The following GNAL variants were observed in gnomAD, a reference collection of about 807,000 sequenced individuals.
GNAL encodes the protein G protein subunit alpha L, also known as guanine nucleotide-binding protein G(olf) subunit alpha.
In GNAL, 18 loss-of-function variants were observed where a neutral mutation model predicts 55.1. The ratio of observed to expected loss-of-function variants is 0.33; its 90% CI spans 0.23 to 0.48. GNAL has a LOEUF of 0.48. Ranked by LOEUF, GNAL falls within the 20% of genes least tolerant of loss-of-function variation. The pLI is 0.99. For synonymous variants in GNAL, 253 were observed against 237.0 expected (o/e 1.07, Z -0.62); for missense variants, 412 against 614.1 (o/e 0.67, Z 3.48).
chr18:11,826,284 G>GGAGGAGACA (rs2035242765), intron 5 of GNAL, among the ~76,000 whole-genome samples: 6 of 21,884 alleles, frequency 2.7e-4, no homozygotes, highest in East Asian at 3.0e-3. Context: ...AGGAGGAGGA[G>GGAGGAGACA]CGGGGAGGGG....
chr18:11,883,177 ACAGT>A lies in GNAL; in HGVS notation c.*2047_*2050del, dbSNP rs775784388. On this transcript the variant is annotated 3_prime_UTR_variant, in exon 12 of 12. Transcript: ENST00000334049. ...TCATGAAGAAAGGATAACTTTATAG[ACAGT>A]CAGTGCAACACACACATTTTATCTC... 1 of 151,968 alleles carries A rather than the reference ACAGT, an allele frequency of 6.6e-6. No homozygotes were observed. The allele number at this position is 151,968 out of a possible 1,614,324, so 9.4% of individuals were successfully genotyped here.
chr18:11,802,582 C>G (rs141976796), intron 4 of GNAL, among the ~76,000 whole-genome samples: 33 of 152,286 alleles, frequency 2.2e-4, no homozygotes, highest in African/African-American at 6.7e-4. Flanking sequence ...ATCCAAACCC[C>G]CAGTGACTTC....
intron 4 of GNAL, among the ~76,000 whole-genome samples, chr18:11,785,246 G>A (rs145399361): frequency 5.7e-4 from 86 of 151,514 alleles, no homozygotes; most frequent in South Asian, 1.3e-3. Context: ...CTGAAAGTTG[G>A]GATAAAGATG....
In GNAL at chr18:11,884,306, A is replaced by T. The variant is rs757093773; in HGVS notation, c.*3171A>T. On this transcript the variant is annotated 3_prime_UTR_variant, in exon 12 of 12. Coordinates refer to ENST00000334049, the MANE Select transcript of GNAL (RefSeq NM_182978.4). ...ACAATCAACTATTTATTTTGCAGTTACTCATTTCAGTGATTGAGAATTTCT... is the reference window on the plus strand; with the variant it reads ...ACAATCAACTATTTATTTTGCAGTTTCTCATTTCAGTGATTGAGAATTTCT... 2 of 770,116 alleles carry T rather than the reference A, an allele frequency of 2.6e-6. No homozygotes were observed. Among genetic ancestry groups the T allele is most frequent in the Non-Finnish European group, 4.3e-6 (2 of 465,184 alleles). The allele number at this position is 770,116 out of a possible 1,614,324, so 47.7% of individuals were successfully genotyped here.
chr18:11,791,578 T>C (rs1230789573), intron 4 of GNAL, among the ~76,000 whole-genome samples: 1 of 152,208 alleles, frequency 6.6e-6, no homozygotes, highest in Admixed American at 6.5e-5. Flanking sequence ...CTCCACACTA[T>C]CTTAATAAGA....
Position 11,885,004 on chromosome 18 carries a change from T to C in GNAL, c.*3869T>C. The C allele has an allele frequency of 7.7e-7, 1 of 1,300,398 alleles. No individual in the cohort carries two copies. Among genetic ancestry groups the C allele is most frequent in the South Asian group, 1.2e-5 (1 of 80,748 alleles). 80.6% of individuals were successfully genotyped at this position (1,300,398 alleles called of 1,614,324 possible). ...TCAGCGAGGAACAAGGAGGGAAAGG[T>C]GTCTTCCTGCCCCTTGATGCTCAAC... On this transcript the variant is annotated 3_prime_UTR_variant, in exon 12 of 12. Coordinates refer to ENST00000334049, the MANE Select transcript of GNAL (RefSeq NM_182978.4).
At chr18:11,707,746 T>G (rs1019577172) in intron 1 of GNAL, among the ~76,000 whole-genome samples, 2 of 152,246 alleles carry the variant, frequency 1.3e-5, no homozygotes, top group Non-Finnish European at 2.9e-5. Context: ...TCCACCTCCA[T>G]TGAAGGCTGT....
intron 4 of GNAL, among the ~76,000 whole-genome samples, chr18:11,772,159 A>G (rs981496499): frequency 6.6e-6 from 1 of 152,212 alleles, no homozygotes; most frequent in Non-Finnish European, 1.5e-5. Context: ...GTAAAATTTT[A>G]TGGTATGAAT....
intron 1 of GNAL, among the ~76,000 whole-genome samples, chr18:11,701,689 T>C (rs935897164): frequency 2.0e-5 from 3 of 152,048 alleles, no homozygotes; most frequent in African/African-American, 4.8e-5. Flanking sequence ...AAGGAGCTGC[T>C]GAAAGAACCC....
rs979783153 is a variant in GNAL at position 11,751,785 on chromosome 18, T to C, written c.377-1068T>C. On this transcript the variant is annotated intron_variant, in intron 1 of 11. Coordinates refer to ENST00000334049, the MANE Select transcript of GNAL (RefSeq NM_182978.4). This position sits in a 1 kb window ranked among gnomAD's most constrained non-coding sequence, Gnocchi z 4.5. ...AGCGCGGTAGCGCCTCTCCGAGAGC[T>C]CCGGGACCAGCGGCCCGGCCGCCCC... 4 of 449,076 alleles carry C rather than the reference T, an allele frequency of 8.9e-6. No individual in the cohort carries two copies. The highest frequency in any genetic ancestry group is 6.4e-5 in the Admixed American group (1 of 15,640). 27.8% of individuals were successfully genotyped at this position (449,076 alleles called of 1,614,324 possible).
At chr18:11,713,544 A>G (rs1474357026) in intron 1 of GNAL, among the ~76,000 whole-genome samples, 1 of 152,232 alleles carries the variant, frequency 6.6e-6, no homozygotes, top group Admixed American at 6.5e-5. Context: ...GATACTGTCA[A>G]TAATAGGTTG....
At chr18:11,727,541 C>T (rs1268456869) in intron 1 of GNAL, among the ~76,000 whole-genome samples, 2 of 152,288 alleles carry the variant, frequency 1.3e-5, no homozygotes, top group East Asian at 1.9e-4. Context: ...CTGCCTAAAC[C>T]GGGACCCCAA....
intron 1 of GNAL, among the ~76,000 whole-genome samples, chr18:11,701,071 G>GT (rs2143317932): frequency 6.6e-6 from 1 of 152,338 alleles, no homozygotes; most frequent in South Asian, 2.1e-4. Flanking sequence ...AAAGTTCACT[G>GT]TGTTGTTGAA....
rs145940480 is a variant in GNAL at position 11,744,787 on chromosome 18, T to C, written c.377-8066T>C. Among the ~76,000 whole-genome samples the C allele has an allele frequency of 6.9e-3, 1,051 of 152,368 alleles. 6 individuals carry two copies. Among genetic ancestry groups the C allele is most frequent in the Non-Finnish European group, 0.011 (728 of 68,040 alleles). Reference sequence around the variant, plus strand: ...GTGCACTGATGCAAACATGACTCACTGCAGCCTCGACCTCCTGGGCTCCAG... The same window carrying C: ...GTGCACTGATGCAAACATGACTCACCGCAGCCTCGACCTCCTGGGCTCCAG... On this transcript the variant is annotated intron_variant, in intron 1 of 11. Coordinates refer to ENST00000334049, the MANE Select transcript of GNAL (RefSeq NM_182978.4).
At chr18:11,818,201 T>G (rs1221487782) in intron 4 of GNAL, among the ~76,000 whole-genome samples, 1 of 152,150 alleles carries the variant, frequency 6.6e-6, no homozygotes, top group Non-Finnish European at 1.5e-5. Context: ...AACATTAAAT[T>G]TCAGGATGGA....
At chr18:11,805,652 T>C (rs950921477) in intron 4 of GNAL, among the ~76,000 whole-genome samples, 1 of 152,160 alleles carries the variant, frequency 6.6e-6, no homozygotes, top group African/African-American at 2.4e-5. Context: ...GATAGTGACC[T>C]CCAGTTCCCT....
intron 4 of GNAL, among the ~76,000 whole-genome samples, chr18:11,761,323 G>T (rs779474497): frequency 6.6e-6 from 1 of 152,138 alleles, no homozygotes; most frequent in Non-Finnish European, 1.5e-5. Flanking sequence ...AGGAAGTGAG[G>T]CCCCTGACTG....
chr18:11,806,975 A>G (rs1469643682), intron 4 of GNAL, among the ~76,000 whole-genome samples: 1 of 152,030 alleles, frequency 6.6e-6, no homozygotes, highest in African/African-American at 2.4e-5. Context: ...CCTGGCCAAC[A>G]TGGTGAAACC....
At chr18:11,780,100 G>C (rs1375550625) in intron 4 of GNAL, among the ~76,000 whole-genome samples, 1 of 152,158 alleles carries the variant, frequency 6.6e-6, no homozygotes, top group East Asian at 1.9e-4. Flanking sequence ...GGTCTCAGAT[G>C]GTTTGCGTTA....
Sources: gnomAD v4.1 joint callset for allele counts (sites outside exome capture counted in the v4.1 genomes callset) on GRCh38, gnomAD v4.1.1 for gene constraint, Gnocchi (gnomAD v3.1) non-coding constraint, MANE v1.5 for transcripts, NCBI Gene and HGNC (gene_info 2026-07-23, HGNC 2026-07-21) for gene names.